Variants in PRKAR1B observed in about 807,000 individuals in gnomAD.
PRKAR1B encodes protein kinase cAMP-dependent type I regulatory subunit beta.
PRKAR1B carries 22 observed loss-of-function variants against 46.5 expected under a neutral mutation model. The ratio of observed to expected loss-of-function variants is 0.47; its 90% CI spans 0.34 to 0.68. PRKAR1B has a LOEUF of 0.68. Ranked by LOEUF, PRKAR1B falls within the 30% of genes least tolerant of loss-of-function variation. The pLI is 0.01. For missense variants in PRKAR1B, 445 were observed against 535.6 expected (o/e 0.83, Z 1.67); for synonymous variants, 259 against 217.7 (o/e 1.19, Z -1.67).
intron 4 of PRKAR1B, among the ~76,000 whole-genome samples, chr7:624,947 G>A (rs1583317851): frequency 6.6e-6 from 1 of 152,156 alleles, no homozygotes; most frequent in South Asian, 2.1e-4. Context: ...CATCAAACAA[G>A]AGCAGACTAC....
chr7:558,709 G>A (rs1469478271), intron 9 of PRKAR1B, among the ~76,000 whole-genome samples: 1 of 150,646 alleles, frequency 6.6e-6, no homozygotes, highest in Non-Finnish European at 1.5e-5. Context: ...CCGAGATTGC[G>A]CCACTGCACT....
In PRKAR1B at chr7:727,031, T is replaced by TGCGCC. The variant is rs1376820756; in HGVS notation, c.-23+174_-23+178dup. 2.6e-6 allele frequency: 3 copies of TGCGCC among 1,142,378 alleles called. No homozygotes were observed. Among genetic ancestry groups the TGCGCC allele is most frequent in the South Asian group, 4.2e-5 (1 of 24,044 alleles). 70.8% of individuals were successfully genotyped at this position (1,142,378 alleles called of 1,614,324 possible). ...GCAGTGCACCTGCTGGATCTGGGCC[T>TGCGCC]GCGCCGCGCCGCGCGGCCCCGCGAT... On this transcript the variant is annotated intron_variant, in intron 1 of 10. Coordinates refer to ENST00000537384, the MANE Select transcript of PRKAR1B (RefSeq NM_001164760.2).
At position 566,005 on chromosome 7, in the gene PRKAR1B, A is replaced by G. The variant is rs112428520; in HGVS notation, c.891+13251T>C. Among the ~76,000 whole-genome samples, 516 of 152,300 alleles carry G rather than the reference A, an allele frequency of 3.4e-3. 3 individuals carry two copies. Among genetic ancestry groups the G allele is most frequent in the African/African-American group, 0.012 (500 of 41,562 alleles). ...TCTGAACTCATGGAATTTTCCTCTC[A>G]GTGCATTTTCTCATCAGACATATTG... is the stretch of plus-strand genomic sequence containing the variant. On this transcript the variant is annotated intron_variant, in intron 9 of 10. Transcript: ENST00000537384.
At chr7:564,724 G>A (rs1277767422) in intron 9 of PRKAR1B, among the ~76,000 whole-genome samples, 1 of 152,200 alleles carries the variant, frequency 6.6e-6, no homozygotes, top group Non-Finnish European at 1.5e-5. Context: ...TCACAGCTCA[G>A]GGGAGGGGGG....
In PRKAR1B at chr7:600,247, G is replaced by C. The variant is rs28693934; in HGVS notation, c.550-3943C>G. Reference sequence around the variant, plus strand: ...GGGCCGAGGGCAGTGGCTCATACCTGTCATCACAGCACTTTGGGAAGCCCA... The same window carrying C: ...GGGCCGAGGGCAGTGGCTCATACCTCTCATCACAGCACTTTGGGAAGCCCA... On this transcript the variant is annotated intron_variant, in intron 6 of 10. Coordinates refer to ENST00000537384, the MANE Select transcript of PRKAR1B (RefSeq NM_001164760.2). Among the ~76,000 whole-genome samples, 648 of 152,354 alleles carry C rather than the reference G, an allele frequency of 4.3e-3. 3 individuals are homozygous for C. The highest frequency in any genetic ancestry group is 0.015 in the African/African-American group (621 of 41,588).
chr7:713,818 G>C (rs1780777596), intron 1 of PRKAR1B, among the ~76,000 whole-genome samples: 1 of 152,200 alleles, frequency 6.6e-6, no homozygotes, highest in African/African-American at 2.4e-5. Flanking sequence ...TCCTGCCAGG[G>C]TGAACGTAAA....
intron 4 of PRKAR1B, among the ~76,000 whole-genome samples, chr7:618,144 G>A (rs1012357525): frequency 7.2e-5 from 11 of 152,176 alleles, no homozygotes; most frequent in Non-Finnish European, 1.5e-4. Context: ...AACACAGCCC[G>A]CACACCCATA....
At chr7:686,195 G>A (rs1779087061) in intron 2 of PRKAR1B, among the ~76,000 whole-genome samples, 2 of 152,104 alleles carry the variant, frequency 1.3e-5, no homozygotes, top group Admixed American at 1.3e-4. Flanking sequence ...CAGCTACTCG[G>A]GAGGCTGAGG....
At chr7:606,279 C>G (rs750450712) in intron 5 of PRKAR1B, 40 bp from the exon 6 acceptor site, 2 of 1,593,758 alleles carry the variant, frequency 1.3e-6, no homozygotes, top group Non-Finnish European at 1.7e-6. Flanking sequence ...CAAAGTACAT[C>G]CAGACATACA....
chr7:558,350 AAGGAGGAGAAGG>A (rs1778581571), intron 9 of PRKAR1B, among the ~76,000 whole-genome samples: 3 of 142,032 alleles, frequency 2.1e-5, no homozygotes, highest in Admixed American at 7.0e-5. Context: ...AAAAAAAAGG[AAGGAGGAGAAGG>A]AGGAGGAGGA....
intron 8 of PRKAR1B, among the ~76,000 whole-genome samples, chr7:584,112 G>A (rs1469751573): frequency 6.6e-6 from 1 of 152,200 alleles, no homozygotes; most frequent in Non-Finnish European, 1.5e-5. Flanking sequence ...ACTAGCACAG[G>A]TCAGGGAAAG....
At chr7:595,808 T>C (rs550252502) in intron 7 of PRKAR1B, among the ~76,000 whole-genome samples, 3 of 152,312 alleles carry the variant, frequency 2.0e-5, no homozygotes, top group African/African-American at 7.2e-5. Flanking sequence ...ACCACGCTCC[T>C]CACACCTCTT....
At chr7:636,765 ATC>A (rs1784134073) in intron 4 of PRKAR1B, among the ~76,000 whole-genome samples, 1 of 152,168 alleles carries the variant, frequency 6.6e-6, no homozygotes, top group Non-Finnish European at 1.5e-5. Context: ...GGTCGGGTCC[ATC>A]TCTCTGTCTC....
Position 714,290 on chromosome 7 carries a change from T to C in PRKAR1B, c.-22-2763A>G, listed in dbSNP as rs1415079326. Among the ~76,000 whole-genome samples, 1 of 151,894 alleles carries C rather than the reference T, an allele frequency of 6.6e-6. No individual in the cohort carries two copies. Among genetic ancestry groups the C allele is most frequent in the Non-Finnish European group, 1.5e-5 (1 of 67,954 alleles). ...CCCACACCGTGCCTCTAGAGGAGAG[T>C]GGAGGCACCTCTCTGGCTGACCTCA... On this transcript the variant is annotated intron_variant, in intron 1 of 10. Transcript: ENST00000537384. This position sits in a 1 kb window ranked among gnomAD's most constrained non-coding sequence, Gnocchi z 4.3.
At chr7:561,995 T>A (rs2128426323) in intron 9 of PRKAR1B, 1 of 152,462 alleles carries the variant, frequency 6.6e-6, no homozygotes, top group South Asian at 2.1e-4. Context: ...CCTACGCAGC[T>A]GCCATGGAAG....
intron 4 of PRKAR1B, among the ~76,000 whole-genome samples, chr7:659,709 CTTTTGT>C (rs370792639): frequency 2.6e-5 from 4 of 152,084 alleles, no homozygotes; most frequent in African/African-American, 4.8e-5. Flanking sequence ...CTTGTGAGGG[CTTTTGT>C]TTTTGTTTTT....
At chr7:559,443 G>A (rs1347332805) in intron 9 of PRKAR1B, among the ~76,000 whole-genome samples, 1 of 152,182 alleles carries the variant, frequency 6.6e-6, no homozygotes, top group Non-Finnish European at 1.5e-5. Context: ...TCCGTCTCAG[G>A]GCTGGTGGTC....
Position 549,587 on chromosome 7 carries a change from G to A in PRKAR1B, c.*843C>T, listed in dbSNP as rs1175878970. 1 of 152,436 alleles carries A rather than the reference G, an allele frequency of 6.6e-6. No individual in the cohort carries two copies. Among genetic ancestry groups the A allele is most frequent in the African/African-American group, 2.4e-5 (1 of 41,438 alleles). The allele number at this position is 152,436 out of a possible 1,614,324, so 9.4% of individuals were successfully genotyped here. A position where few individuals can be genotyped will look rare whatever the true frequency, so the allele number is the denominator to read the frequency against. ...GGACAAGTCGGTTGAGCGGGTCGGG[G>A]CGTGTGGGGCCCGCGGCTGGCTTGA... On this transcript the variant is annotated 3_prime_UTR_variant, in exon 11 of 11. Coordinates refer to ENST00000537384, the MANE Select transcript of PRKAR1B (RefSeq NM_001164760.2).
At chr7:658,282 A>T (rs913233697) in intron 4 of PRKAR1B, among the ~76,000 whole-genome samples, 5 of 152,104 alleles carry the variant, frequency 3.3e-5, no homozygotes, top group Admixed American at 2.6e-4. Context: ...AAAAAAAATT[A>T]AAAATTAGCC....
Sources: gnomAD v4.1 joint callset for allele counts (sites outside exome capture counted in the v4.1 genomes callset) on GRCh38, gnomAD v4.1.1 for gene constraint, Gnocchi (gnomAD v3.1) non-coding constraint, MANE v1.5 for transcripts, NCBI Gene and HGNC (gene_info 2026-07-23, HGNC 2026-07-21) for gene names.